GRID2: variants seen among roughly 807,000 people sequenced by gnomAD.
GRID2 encodes the protein glutamate ionotropic receptor delta type subunit 2.
A neutral mutation model predicts 114.8 loss-of-function variants in GRID2; 33 were observed. The ratio of observed to expected loss-of-function variants is 0.29; its 90% CI spans 0.22 to 0.38. GRID2 has a LOEUF of 0.38. Among genes scored for constraint, GRID2 ranks in the 10% least tolerant of loss-of-function variants. The pLI is 1.00. For synonymous variants in GRID2, 505 were observed against 449.9 expected, an observed-to-expected ratio of 1.12 and a Z score of -1.55; for missense variants, 1,184 against 1,257.7, an observed-to-expected ratio of 0.94 and a Z score of 0.89.
At chr4:93,431,352 G>T (rs1283771605) in intron 10 of GRID2, among the ~76,000 whole-genome samples, 1 of 152,174 alleles carries the variant, frequency 6.6e-6, no homozygotes, top group Non-Finnish European at 1.5e-5. Flanking sequence ...CATGGAGTAA[G>T]AGGATCACTG....
intron 11 of GRID2, among the ~76,000 whole-genome samples, chr4:93,469,822 C>T (rs887058525): frequency 6.6e-6 from 1 of 152,110 alleles, no homozygotes; most frequent in Non-Finnish European, 1.5e-5. Flanking sequence ...GTCAGATCTT[C>T]TGTTGACACA....
chr4:92,578,093 TTCTTCTTCTTC>T (rs2149199564), intron 1 of GRID2, among the ~76,000 whole-genome samples: 1 of 94,798 alleles, frequency 1.1e-5, no homozygotes, highest in Non-Finnish European at 2.0e-5. Flanking sequence ...CTTCTTCTTC[TTCTTCTTCTTC>T]TTCTTCTTCT....
At chr4:93,443,283 T>C (rs549012617) in intron 10 of GRID2, among the ~76,000 whole-genome samples, 1 of 152,164 alleles carries the variant, frequency 6.6e-6, no homozygotes, top group South Asian at 2.1e-4. Context: ...ATGCCTTATA[T>C]GTTCAATTAT....
At position 92,812,031 on chromosome 4, in the gene GRID2, A is replaced by G. The variant is rs369656864; in HGVS notation, c.244+221745A>G. Among the ~76,000 whole-genome samples, 7 of 152,238 alleles carry G rather than the reference A, an allele frequency of 4.6e-5. No homozygotes were observed. The East Asian group carries it at 1.2e-3, about 25-fold the overall frequency. ...AAACTCCATTTGTTTGCTCCCTACAATATTCTATATATTAAAAATAACATG... is the reference window on the plus strand; with the variant it reads ...AAACTCCATTTGTTTGCTCCCTACAGTATTCTATATATTAAAAATAACATG... On this transcript the variant is annotated intron_variant, in intron 2 of 15. Coordinates refer to ENST00000282020, the MANE Select transcript of GRID2 (RefSeq NM_001510.4).
intron 8 of GRID2, among the ~76,000 whole-genome samples, chr4:93,281,513 A>G (rs752884136): frequency 6.6e-6 from 1 of 152,056 alleles, no homozygotes; most frequent in Non-Finnish European, 1.5e-5. Flanking sequence ...AAACAAGGCT[A>G]CAAAATGAAT....
rs1761160241 is a variant in GRID2 at position 93,354,779 on chromosome 4, TA to T, written c.1246-40827del. On this transcript the variant is annotated intron_variant, in intron 8 of 15. Transcript: ENST00000282020. Reference sequence around the variant, plus strand: ...GTAGTCTTTATGTATATGTAATATTTATATATGAAGATTTATATATATATTT... The same window carrying T: ...GTAGTCTTTATGTATATGTAATATTTTATATGAAGATTTATATATATATTT... Among the ~76,000 whole-genome samples, 3 of 136,066 alleles carry T rather than the reference TA, an allele frequency of 2.2e-5. No individual in the cohort carries two copies. In the South Asian group the frequency reaches 6.8e-4, roughly 31 times the overall value. The allele number at this position is 136,066 out of a possible 152,430, so 89.3% of individuals were successfully genotyped here.
chr4:92,737,351 T>C (rs1372996302), intron 2 of GRID2, among the ~76,000 whole-genome samples: 2 of 152,146 alleles, frequency 1.3e-5, no homozygotes, highest in Non-Finnish European at 2.9e-5. Flanking sequence ...ATTATGTGTA[T>C]GCGATTTTGT....
chr4:92,808,357 G>T (rs112901188), intron 2 of GRID2, among the ~76,000 whole-genome samples: 2 of 151,944 alleles, frequency 1.3e-5, no homozygotes, highest in African/African-American at 2.4e-5. Flanking sequence ...TAGTAAAAAA[G>T]TCAAACATTT....
chr4:92,307,754 A>G (rs1725482011), intron 1 of GRID2, among the ~76,000 whole-genome samples: 2 of 152,236 alleles, frequency 1.3e-5, no homozygotes, highest in Non-Finnish European at 2.9e-5. Flanking sequence ...GTATATTTTT[A>G]ATACACATCC....
At chr4:93,276,085 C>A (rs1326109888) in intron 8 of GRID2, among the ~76,000 whole-genome samples, 1 of 151,878 alleles carries the variant, frequency 6.6e-6, no homozygotes, top group East Asian at 1.9e-4. Context: ...AGAGTTTTAG[C>A]TCTTACATTT....
intron 10 of GRID2, among the ~76,000 whole-genome samples, chr4:93,427,521 A>G (rs1768969988): frequency 6.6e-6 from 1 of 152,036 alleles, no homozygotes; most frequent in South Asian, 2.1e-4. Context: ...AATTATATAT[A>G]TCATAATGAT....
intron 2 of GRID2, among the ~76,000 whole-genome samples, chr4:92,916,695 A>C (rs944368575): frequency 1.3e-5 from 2 of 152,016 alleles, no homozygotes; most frequent in Non-Finnish European, 2.9e-5. Flanking sequence ...TGAACTCGTC[A>C]TTTTTTATAG....
At chr4:92,605,593 C>A (rs905138618) in intron 2 of GRID2, among the ~76,000 whole-genome samples, 1 of 151,832 alleles carries the variant, frequency 6.6e-6, no homozygotes, top group Admixed American at 6.6e-5. Flanking sequence ...CAAAAACAAA[C>A]AAAAAACCTT....
chr4:93,196,350 C>T (rs935197702), intron 4 of GRID2, among the ~76,000 whole-genome samples: 5 of 152,134 alleles, frequency 3.3e-5, no homozygotes, highest in Admixed American at 6.5e-5. Flanking sequence ...CTTAGGAAGA[C>T]GGACATGGAA....
chr4:93,533,301 C>G (rs186981971), intron 13 of GRID2, among the ~76,000 whole-genome samples: 2 of 106,186 alleles, frequency 1.9e-5, no homozygotes, highest in Non-Finnish European at 2.1e-5. Flanking sequence ...TTCCTTCCTT[C>G]CTTCCTTCCT....
chr4:92,904,207 T>A (rs1271848240), intron 2 of GRID2, among the ~76,000 whole-genome samples: 1 of 151,346 alleles, frequency 6.6e-6, no homozygotes, highest in Non-Finnish European at 1.5e-5. Context: ...TTTTCAAAAT[T>A]TTTTCTTCAT....
intron 13 of GRID2, among the ~76,000 whole-genome samples, chr4:93,538,521 A>G (rs533397809): frequency 6.6e-6 from 1 of 151,920 alleles, no homozygotes; most frequent in South Asian, 2.1e-4. Flanking sequence ...TGTGGACTGG[A>G]CTTAGTGATT....
intron 1 of GRID2, among the ~76,000 whole-genome samples, chr4:92,499,401 T>C (rs1376017046): frequency 6.6e-6 from 1 of 152,172 alleles, no homozygotes; most frequent in Non-Finnish European, 1.5e-5. Context: ...CCAAGTTCTT[T>C]TAGGTTGTTT....
chr4:93,394,913 A>C (rs892566707), intron 8 of GRID2, among the ~76,000 whole-genome samples: 1 of 151,984 alleles, frequency 6.6e-6, no homozygotes, highest in African/African-American at 2.4e-5. Context: ...TAATTTAAAA[A>C]CTGGTAGCCC....
Sources: gnomAD v4.1 joint callset for allele counts (sites outside exome capture counted in the v4.1 genomes callset) on GRCh38, gnomAD v4.1.1 for gene constraint, MANE v1.5 for transcripts, NCBI Gene and HGNC (gene_info 2026-07-23, HGNC 2026-07-21) for gene names.